Variants in CALN1 observed in about 807,000 individuals in gnomAD.
CALN1 encodes calneuron 1.
Under a neutral mutation model 30.6 loss-of-function variants are expected in CALN1, and 17 were observed. That is an observed-to-expected ratio of 0.56 (90% confidence interval 0.38 to 0.83). CALN1 has a LOEUF of 0.83. CALN1 is among the 40% of genes least tolerant of loss of function. CALN1 has a pLI of 0.00. For synonymous variants in CALN1, 156 were observed against 131.4 expected, an observed-to-expected ratio of 1.19 and a Z score of -1.28; for missense variants, 291 against 354.9, an observed-to-expected ratio of 0.82 and a Z score of 1.45.
intron 3 of CALN1, among the ~76,000 whole-genome samples, chr7:72,181,674 G>A (rs1360396721): frequency 1.3e-5 from 2 of 151,994 alleles, no homozygotes; most frequent in African/African-American, 4.8e-5. Flanking sequence ...TCATGGTTTC[G>A]CCATGTTGGC....
chr7:72,468,908 CT>C, the CALN1 span, among the ~76,000 whole-genome samples: 1 of 152,032 alleles, frequency 6.6e-6, no homozygotes, highest in Admixed American at 6.6e-5. Flanking sequence ...ATTCAGTTGT[CT>C]TTTTGTTGTT....
chr7:71,852,992 G>A (rs1050867936), intron 5 of CALN1, among the ~76,000 whole-genome samples: 2 of 152,072 alleles, frequency 1.3e-5, no homozygotes, highest in Non-Finnish European at 2.9e-5. Flanking sequence ...TAGATACGTT[G>A]AAAATATTTT....
At chr7:71,935,000 A>G (rs771505468) in intron 5 of CALN1, among the ~76,000 whole-genome samples, 1 of 152,186 alleles carries the variant, frequency 6.6e-6, no homozygotes, top group East Asian at 1.9e-4. Flanking sequence ...AGGTCCCTCC[A>G]ACAACACATG....
chr7:71,989,815 A>T (rs1428395609), intron 5 of CALN1, among the ~76,000 whole-genome samples: 1 of 152,100 alleles, frequency 6.6e-6, no homozygotes, highest in Non-Finnish European at 1.5e-5. Context: ...TTAGTGTCTT[A>T]AAAAAAATCC....
chr7:72,403,301 G>A lies in CALN1; in HGVS notation c.69C>T (p.Leu23=), dbSNP rs774836693. ...TCCTCGGCGGCTCCTCTCCCCCTCC[G>A]AGGGCTCCTCCGTCCCCCTTTTTCT... ...ENEKKGDGGA[L]GGGEEPPRSQ... Residue 23 remains leucine (L), a synonymous_variant, in exon 2 of 7, where the codon CTC becomes CTT. Coordinates refer to ENST00000395275, the MANE Select transcript of CALN1 (RefSeq NM_031468.4). 7.7e-6 allele frequency: 12 copies of A among 1,550,312 alleles called. No homozygotes were observed. The highest frequency in any genetic ancestry group is 4.1e-5 in the African/African-American group (3 of 73,076).
chr7:72,189,185 T>A (rs1790427660), intron 3 of CALN1, among the ~76,000 whole-genome samples: 1 of 152,232 alleles, frequency 6.6e-6, no homozygotes, highest in South Asian at 2.1e-4. Flanking sequence ...TCGTTGTGGA[T>A]TATCATGATA....
At chr7:71,957,846 C>A (rs1430098526) in intron 5 of CALN1, among the ~76,000 whole-genome samples, 1 of 151,942 alleles carries the variant, frequency 6.6e-6, no homozygotes, top group African/African-American at 2.4e-5. Context: ...AGGCAGATCA[C>A]CTGGGGTCAG....
chr7:71,859,892 G>T (rs1791171004), intron 5 of CALN1, among the ~76,000 whole-genome samples: 1 of 152,276 alleles, frequency 6.6e-6, no homozygotes, highest in South Asian at 2.1e-4. Context: ...TTAGCCTCCA[G>T]AGGTGTATGA....
intron 5 of CALN1, among the ~76,000 whole-genome samples, chr7:71,815,974 C>A (rs1268473306): frequency 6.6e-6 from 1 of 151,608 alleles, no homozygotes; most frequent in Non-Finnish European, 1.5e-5. Context: ...AACTCCTGGG[C>A]TCAAGCAATC....
rs146294437 is a variant in CALN1 at position 71,817,260 on chromosome 7, A to G, written c.502-6768T>C. On this transcript the variant is annotated intron_variant, in intron 5 of 6. Coordinates refer to ENST00000395275, the MANE Select transcript of CALN1 (RefSeq NM_031468.4). Reference sequence around the variant, plus strand: ...AACCAGAGAGAACATTTTCATTATCATTAGTATGCAACTATGGACCCTAGT... The same window carrying G: ...AACCAGAGAGAACATTTTCATTATCGTTAGTATGCAACTATGGACCCTAGT... 7.6e-3 allele frequency among the ~76,000 whole-genome samples: 1,152 copies of G among 152,304 alleles called. 6 individuals carry two copies. The highest frequency in any genetic ancestry group is 0.017 in the Middle Eastern group (5 of 294).
chr7:72,206,654 G>C (rs1483302383), intron 3 of CALN1, among the ~76,000 whole-genome samples: 1 of 148,492 alleles, frequency 6.7e-6, no homozygotes, highest in Non-Finnish European at 1.5e-5. Context: ...CTTAAGACTA[G>C]AACAGATGCA....
At chr7:72,224,737 C>T (rs183334703) in intron 3 of CALN1, among the ~76,000 whole-genome samples, 5 of 151,276 alleles carry the variant, frequency 3.3e-5, no homozygotes, top group East Asian at 3.9e-4. Context: ...GCCAAGATTG[C>T]GCCACTGCAC....
At chr7:71,830,592 C>T (rs1411080668) in intron 5 of CALN1, among the ~76,000 whole-genome samples, 7 of 152,140 alleles carry the variant, frequency 4.6e-5, no homozygotes, top group Non-Finnish European at 1.0e-4. Flanking sequence ...AAGTGATCCA[C>T]CTGCCTCGGC....
intron 6 of CALN1, among the ~76,000 whole-genome samples, chr7:71,805,166 T>C (rs1787532700): frequency 6.6e-6 from 1 of 152,160 alleles, no homozygotes; most frequent in Admixed American, 6.5e-5. Flanking sequence ...TGCCACAAAA[T>C]GTCTGTTTCT....
In CALN1 at chr7:72,402,618, G is replaced by A. The variant is rs78708725; in HGVS notation, c.119+633C>T. On this transcript the variant is annotated intron_variant, in intron 2 of 6. Coordinates refer to ENST00000395275, the MANE Select transcript of CALN1 (RefSeq NM_031468.4). The stretch of plus-strand genomic sequence containing the variant: ...CTCTTGAGTTTGTATAGCCATGAGG[G>A]TCTCCGAGGAAAAGAAAAAAGAGCA... Among the ~76,000 whole-genome samples, 1,108 of 152,250 alleles carry A rather than the reference G, an allele frequency of 7.3e-3. 7 individuals are homozygous for A. Among genetic ancestry groups the A allele is most frequent in the Non-Finnish European group, 0.012 (788 of 68,022 alleles).
intron 2 of CALN1, among the ~76,000 whole-genome samples, chr7:72,325,601 C>G (rs1340626277): frequency 6.6e-6 from 1 of 151,700 alleles, no homozygotes; most frequent in Non-Finnish European, 1.5e-5. Context: ...AACTCTGTCT[C>G]GAAAATAAAT....
At chr7:71,935,648 GGGA>G (rs751849758) in intron 5 of CALN1, among the ~76,000 whole-genome samples, 1 of 152,152 alleles carries the variant, frequency 6.6e-6, no homozygotes, top group East Asian at 1.9e-4. Context: ...GCTTGAACCC[GGGA>G]GGAGAAGTTG....
intron 1 of CALN1, among the ~76,000 whole-genome samples, chr7:72,418,052 A>G (rs1807476642): frequency 6.6e-6 from 1 of 152,168 alleles, no homozygotes; most frequent in Non-Finnish European, 1.5e-5. Context: ...GGGTAAAAAC[A>G]TTCCCATCAT....
chr7:72,276,382 CCCCCA>C (rs1271967407), intron 3 of CALN1, among the ~76,000 whole-genome samples: 1 of 152,188 alleles, frequency 6.6e-6, no homozygotes, highest in East Asian at 1.9e-4. Context: ...TGTTTGGGTC[CCCCCA>C]AAATGCCTAT....
Sources: gnomAD v4.1 joint callset for allele counts (sites outside exome capture counted in the v4.1 genomes callset) on GRCh38, gnomAD v4.1.1 for gene constraint, MANE v1.5 for transcripts, NCBI Gene and HGNC (gene_info 2026-07-23, HGNC 2026-07-21) for gene names.